The following MAPK10 variants were observed in gnomAD, a reference collection of about 807,000 sequenced individuals.
The protein encoded by MAPK10 is JNK3 alpha protein kinase.
In MAPK10, 25 loss-of-function variants were observed where a neutral mutation model predicts 59.3. The observed-to-expected ratio is 0.42, with a 90% CI of 0.31 to 0.59. The LOEUF is 0.59. Among genes scored for constraint, MAPK10 ranks in the 20% least tolerant of loss-of-function variants. The pLI is 0.15. For synonymous variants in MAPK10, 190 were observed against 200.5 expected (o/e 0.95, Z 0.44); for missense variants, 351 against 568.9 (o/e 0.62, Z 3.90).
upstream of MAPK10, among the ~76,000 whole-genome samples, chr4:86,453,599 C>G (rs930429860): frequency 3.6e-5 from 5 of 137,822 alleles, no homozygotes; most frequent in Admixed American, 3.7e-4. Flanking sequence ...ACCACAGCAG[C>G]CACAGCAAGA....
chr4:86,349,352 G>A (rs139799988), intron 2 of MAPK10, among the ~76,000 whole-genome samples: 9 of 152,124 alleles, frequency 5.9e-5, no homozygotes, highest in Non-Finnish European at 1.3e-4. Flanking sequence ...TCTTTGTCCT[G>A]CTTCTGCTTC....
At chr4:86,115,415 C>G (rs941783803) in intron 4 of MAPK10, among the ~76,000 whole-genome samples, 6 of 152,014 alleles carry the variant, frequency 3.9e-5, no homozygotes, top group Non-Finnish European at 7.4e-5. Context: ...GTTGATGGAG[C>G]AGGATTCACT....
rs753611015 is a variant in MAPK10, at chr4:86,031,538, C to T, written c.1111-107G>A. 5.7e-5 allele frequency: 42 copies of T among 738,376 alleles called. 1 individual carries two copies. The highest frequency in any genetic ancestry group is 2.8e-4 in the South Asian group (17 of 61,416). The allele number at this position is 738,376 out of a possible 1,614,324, so 45.7% of individuals were successfully genotyped here. A position where few individuals can be genotyped will look rare whatever the true frequency, so the allele number is the denominator to read the frequency against. ...CCTCATTTATTTCGGTGATTTCAAC[C>T]GTATATAAGTTATGAGGAAATTACA... On this transcript the variant is annotated intron_variant, in intron 11 of 13. Coordinates refer to ENST00000641462, the MANE Select transcript of MAPK10 (RefSeq NM_138982.4).
chr4:86,206,919 G>T lies in MAPK10; in HGVS notation c.-6-12512C>A, dbSNP rs1018864321. On this transcript the variant is annotated intron_variant, in intron 2 of 13. Transcript: ENST00000641462. ...TATGCTTTTTTCTTGTAAATTTGTT[G>T]GAGTTCATTGTAGATTCTGGATATT... 2.6e-4 allele frequency among the ~76,000 whole-genome samples: 39 copies of T among 152,022 alleles called. 1 individual carries two copies. The Middle Eastern group carries it at 0.038, about 147-fold the overall frequency.
intron 1 of MAPK10, among the ~76,000 whole-genome samples, chr4:86,528,136 C>T (rs1485080235): frequency 1.3e-5 from 2 of 151,948 alleles, no homozygotes; most frequent in Admixed American, 6.6e-5. Context: ...GTGCTTGTGC[C>T]CTCTGAATCT....
chr4:86,339,932 TTACTG>T (rs1723898479), intron 2 of MAPK10, among the ~76,000 whole-genome samples: 1 of 152,230 alleles, frequency 6.6e-6, no homozygotes, highest in Non-Finnish European at 1.5e-5. Flanking sequence ...GTAGATATTC[TTACTG>T]TACCAATTTA....
At chr4:86,515,446 C>T (rs1362405258) in intron 1 of MAPK10, among the ~76,000 whole-genome samples, 3 of 152,154 alleles carry the variant, frequency 2.0e-5, no homozygotes, top group Non-Finnish European at 4.4e-5. Context: ...GTTTACATTC[C>T]CACCATCAGT....
At chr4:86,255,137 C>T (rs550176039) in intron 2 of MAPK10, among the ~76,000 whole-genome samples, 8 of 151,682 alleles carry the variant, frequency 5.3e-5, no homozygotes, top group Non-Finnish European at 1.0e-4. Context: ...GTGGTAGGAT[C>T]GAGGGTATGG....
At chr4:86,353,147 C>G (rs1732508308) in intron 2 of MAPK10, among the ~76,000 whole-genome samples, 1 of 152,162 alleles carries the variant, frequency 6.6e-6, no homozygotes, top group Non-Finnish European at 1.5e-5. Flanking sequence ...GTGGTAGAGT[C>G]TCCTCTGATG....
chr4:86,133,598 T>A (rs2061385562), intron 4 of MAPK10, among the ~76,000 whole-genome samples: 1 of 152,244 alleles, frequency 6.6e-6, no homozygotes, highest in Non-Finnish European at 1.5e-5. Context: ...TAAATGTGTC[T>A]ACAGTTTTAT....
At chr4:86,263,019 C>G (rs1199704931) in intron 2 of MAPK10, among the ~76,000 whole-genome samples, 1 of 152,128 alleles carries the variant, frequency 6.6e-6, no homozygotes, top group East Asian at 1.9e-4. Flanking sequence ...CCTCCAGCTC[C>G]CTACCTGTGT....
At chr4:86,241,658 T>C (rs2092727850) in intron 2 of MAPK10, among the ~76,000 whole-genome samples, 1 of 152,158 alleles carries the variant, frequency 6.6e-6, no homozygotes, top group African/African-American at 2.4e-5. Context: ...AGTTCTCCTG[T>C]TGTGTTTTTC....
chr4:86,273,762 C>T (rs1411587789), intron 2 of MAPK10, among the ~76,000 whole-genome samples: 2 of 151,902 alleles, frequency 1.3e-5, no homozygotes, highest in East Asian at 3.9e-4. Flanking sequence ...TGGTGCTTTT[C>T]CTTATAGTTG....
intron 9 of MAPK10, among the ~76,000 whole-genome samples, chr4:86,078,484 A>G (rs548463101): frequency 1.4e-4 from 22 of 152,050 alleles, no homozygotes; most frequent in Non-Finnish European, 1.8e-4. Context: ...GTATGCTGCT[A>G]TTACCTGGGG....
chr4:86,125,451 CAATAT>C (rs1158454476), intron 4 of MAPK10: 1 of 151,794 alleles, frequency 6.6e-6, no homozygotes, highest in East Asian at 1.9e-4. Flanking sequence ...TTACGACCAT[CAATAT>C]AATATATTTT....
chr4:86,441,934 G>A (rs571863024), intron 1 of MAPK10, among the ~76,000 whole-genome samples: 9 of 152,258 alleles, frequency 5.9e-5, no homozygotes, highest in African/African-American at 2.2e-4. Context: ...AAAAGGGGCT[G>A]GGGGGTATCT....
rs115696490 is a variant in MAPK10 at position 86,233,496 on chromosome 4, C to T, written c.-6-39089G>A. Among the ~76,000 whole-genome samples, 21 of 152,246 alleles carry T rather than the reference C, an allele frequency of 1.4e-4. 1 individual carries two copies. Among genetic ancestry groups the T allele is most frequent in the African/African-American group, 4.1e-4 (17 of 41,544 alleles). Reference sequence around the variant, plus strand: ...CTCCCCAGGCATTAACCTCCCTCCCCCAAGGAGCTTCCTTTGAAAGCTAAC... The same window carrying T: ...CTCCCCAGGCATTAACCTCCCTCCCTCAAGGAGCTTCCTTTGAAAGCTAAC... On this transcript the variant is annotated intron_variant, in intron 2 of 13. Transcript: ENST00000641462.
chr4:86,118,307 T>C lies in MAPK10; in HGVS notation c.237-10955A>G, dbSNP rs190155685. On this transcript the variant is annotated intron_variant, in intron 4 of 13. Coordinates refer to ENST00000641462, the MANE Select transcript of MAPK10 (RefSeq NM_138982.4). Reference sequence around the variant, plus strand: ...TCTTGGCCTGTGGAATCTTACTTTTTTTCTTTCAGTATTTTTTTCTTTCTG... The same window carrying C: ...TCTTGGCCTGTGGAATCTTACTTTTCTTCTTTCAGTATTTTTTTCTTTCTG... Among the ~76,000 whole-genome samples, 212 of 152,318 alleles carry C rather than the reference T, an allele frequency of 1.4e-3. 1 individual carries two copies. Among genetic ancestry groups the C allele is most frequent in the African/African-American group, 4.9e-3 (204 of 41,572 alleles).
At chr4:86,546,925 G>A (rs927541123) in intron 1 of MAPK10, among the ~76,000 whole-genome samples, 5 of 152,014 alleles carry the variant, frequency 3.3e-5, no homozygotes, top group Non-Finnish European at 7.4e-5. Context: ...GCGTGGTGGC[G>A]GGCACCTGTA....
Sources: gnomAD v4.1 joint callset for allele counts (sites outside exome capture counted in the v4.1 genomes callset) on GRCh38, gnomAD v4.1.1 for gene constraint, MANE v1.5 for transcripts, NCBI Gene and HGNC (gene_info 2026-07-23, HGNC 2026-07-21) for gene names.